MAEL: variants seen among roughly 807,000 people sequenced by gnomAD.
The protein encoded by MAEL is protein maelstrom homolog.
A neutral mutation model predicts 62.0 loss-of-function variants in MAEL; 46 were observed. The ratio of observed to expected loss-of-function variants is 0.74; its 90% CI spans 0.59 to 0.95. The LOEUF is 0.95. Ranked by LOEUF, MAEL falls within the 40% of genes least tolerant of loss-of-function variation. The pLI is 0.00. For synonymous variants in MAEL, 172 were observed against 175.5 expected (o/e 0.98, Z 0.16); for missense variants, 497 against 526.8 (o/e 0.94, Z 0.55).
chr1:167,017,614 A>T (rs188042447), intron 9 of MAEL, among the ~76,000 whole-genome samples: 1 of 152,284 alleles, frequency 6.6e-6, no homozygotes, highest in Non-Finnish European at 1.5e-5. Context: ...CTAAAATTTT[A>T]TCTGGCAATC....
chr1:167,021,825 TG>T lies in MAEL; in HGVS notation c.1277del (p.Gly426AspfsTer18), dbSNP rs1467386651. 6.2e-7 allele frequency: 1 copy of T among 1,610,848 alleles called. No homozygotes were observed. The highest frequency in any genetic ancestry group is 2.2e-5 in the East Asian group (1 of 44,842). On this transcript the variant is annotated frameshift_variant, in exon 12 of 12. Coordinates refer to ENST00000367872, the MANE Select transcript of MAEL (RefSeq NM_032858.3). LOFTEE classifies it high-confidence loss of function. ...SLSPYMSQKD[G>X]YKSFSSLS ...TCTCACCTTACATGTCCCAAAAAGA[TG>T]GATACAAATCTTTCTCTTCCTTATC...
intron 1 of MAEL, among the ~76,000 whole-genome samples, chr1:166,982,928 TG>T (rs1206656558): frequency 8.5e-5 from 13 of 152,224 alleles, no homozygotes; most frequent in Admixed American, 3.3e-4. Context: ...GATATCTTCA[TG>T]GTTTGCTTGC....
intron 8 of MAEL, among the ~76,000 whole-genome samples, chr1:167,011,996 A>G (rs1377165660): frequency 6.6e-6 from 1 of 152,212 alleles, no homozygotes; most frequent in Non-Finnish European, 1.5e-5. Flanking sequence ...ACTCTTACAT[A>G]GTACTGTAGG....
chr1:166,981,093 C>T (rs1181245879), intron 1 of MAEL, among the ~76,000 whole-genome samples: 1 of 152,178 alleles, frequency 6.6e-6, no homozygotes, highest in Non-Finnish European at 1.5e-5. Flanking sequence ...TGAAAAGAAA[C>T]TGCTCAAGCA....
At chr1:167,008,756 T>G (rs944549066) in intron 8 of MAEL, among the ~76,000 whole-genome samples, 1 of 152,106 alleles carries the variant, frequency 6.6e-6, no homozygotes, top group Non-Finnish European at 1.5e-5. Flanking sequence ...CATGCAATAT[T>G]TTCATTGCCA....
upstream of MAEL, among the ~76,000 whole-genome samples, chr1:166,988,665 A>T (rs938580708): frequency 6.6e-6 from 1 of 152,208 alleles, no homozygotes; most frequent in African/African-American, 2.4e-5. Context: ...ATAATTTTTT[A>T]AAAGAAATTT....
chr1:166,994,171 C>A, intron 5 of MAEL, 102 bp downstream of exon 5: 1 of 1,096,840 alleles, frequency 9.1e-7, no homozygotes, highest in Non-Finnish European at 1.3e-6. Context: ...AGGAAAATAA[C>A]TTTAGGTTAT....
chr1:167,014,839 A>G (rs918224907), intron 8 of MAEL, among the ~76,000 whole-genome samples: 1 of 152,168 alleles, frequency 6.6e-6, no homozygotes, highest in Non-Finnish European at 1.5e-5. Context: ...CCTGGATAAC[A>G]TGGTGAAACC....
intron 8 of MAEL, among the ~76,000 whole-genome samples, chr1:167,015,282 T>C (rs1278676210): frequency 6.6e-6 from 1 of 152,230 alleles, no homozygotes; most frequent in Non-Finnish European, 1.5e-5. Context: ...GGCTTCATGT[T>C]ACAGTTTTGT....
chr1:167,002,205 C>T (rs1190370010), intron 5 of MAEL, among the ~76,000 whole-genome samples: 1 of 152,052 alleles, frequency 6.6e-6, no homozygotes, highest in Non-Finnish European at 1.5e-5. Flanking sequence ...AGGACTTTTC[C>T]ATTTATGTTA....
chr1:167,001,034 CTG>C (rs1348803693), intron 5 of MAEL, among the ~76,000 whole-genome samples: 3 of 152,102 alleles, frequency 2.0e-5, no homozygotes, highest in African/African-American at 4.8e-5. Flanking sequence ...AATAAGGAAA[CTG>C]TAGTATATAT....
chr1:167,005,554 T>C (rs1022431214), intron 8 of MAEL, 157 bp downstream of exon 8: 7 of 624,886 alleles, frequency 1.1e-5, no homozygotes, highest in Non-Finnish European at 1.9e-5. Flanking sequence ...TAGTAAGATA[T>C]ATTGTTACTT....
rs565978216 is a variant in MAEL, at chr1:166,991,069, G to C, written c.226-309G>C. Among the ~76,000 whole-genome samples, 12 of 152,310 alleles carry C rather than the reference G, an allele frequency of 7.9e-5. No individual in the cohort carries two copies. In the South Asian group the frequency reaches 2.5e-3, roughly 32 times the overall value. On this transcript the variant is annotated intron_variant, in intron 2 of 11. Coordinates refer to ENST00000367872, the MANE Select transcript of MAEL (RefSeq NM_032858.3). ...AAATTAGAGTACTTTGGGGCATAGT[G>C]TGCTTTTGGCCACTGGCCTGGCATG...
Position 167,006,601 on chromosome 1 carries a change from C to CCATATATATATATATATATATATA in MAEL, c.845+1204_845+1205insCATATATATATATATATATATATA, listed in dbSNP as rs1295162731. On this transcript the variant is annotated intron_variant, in intron 8 of 11. Coordinates refer to ENST00000367872, the MANE Select transcript of MAEL (RefSeq NM_032858.3). ...CTATTGGAAAGTTACTGGTTTTTTACTATATATATATATATATATATATAT... is the reference window on the plus strand; with the variant it reads ...CTATTGGAAAGTTACTGGTTTTTTACCATATATATATATATATATATATATATATATATATATATATATATATAT... Among the ~76,000 whole-genome samples, 4 of 98,084 alleles carry CCATATATATATATATATATATATA rather than the reference C, an allele frequency of 4.1e-5. 1 individual carries two copies. The highest frequency in any genetic ancestry group is 1.4e-4 in the African/African-American group (4 of 28,840). The allele number at this position is 98,084 out of a possible 152,430, so 64.3% of individuals were successfully genotyped here. A position where few individuals can be genotyped will look rare whatever the true frequency, so the allele number is the denominator to read the frequency against.
At chr1:167,016,136 A>G in intron 8 of MAEL, 86 bp from the exon 9 acceptor site, 1 of 1,208,410 alleles carries the variant, frequency 8.3e-7, no homozygotes, top group Non-Finnish European at 1.2e-6. Flanking sequence ...TCATTTTTTA[A>G]AAGATTTCAG....
At chr1:167,017,289 AT>A (rs928508620) in intron 9 of MAEL, among the ~76,000 whole-genome samples, 2 of 152,156 alleles carry the variant, frequency 1.3e-5, no homozygotes, top group Admixed American at 1.3e-4. Context: ...AAAAATAAAA[AT>A]AAAGGTGGTT....
intron 5 of MAEL, among the ~76,000 whole-genome samples, chr1:167,002,399 CT>C (rs1664707116): frequency 6.6e-6 from 1 of 152,158 alleles, no homozygotes; most frequent in African/African-American, 2.4e-5. Flanking sequence ...GGATAATCCT[CT>C]TATCGGGATC....
intron 9 of MAEL, 74 bp from the exon 10 acceptor site, chr1:167,017,753 G>T: frequency 1.4e-6 from 2 of 1,404,952 alleles, no homozygotes; most frequent in Admixed American, 2.1e-5. Context: ...CTTTTTGTTA[G>T]AGATTTTAAA....
At chr1:167,018,790 A>AT (rs928174479) in intron 10 of MAEL, among the ~76,000 whole-genome samples, 2 of 152,110 alleles carry the variant, frequency 1.3e-5, no homozygotes, top group Admixed American at 1.3e-4. Context: ...TTCATATGAC[A>AT]TTTTTTTGAA....
Sources: gnomAD v4.1 joint callset for allele counts (sites outside exome capture counted in the v4.1 genomes callset) on GRCh38, gnomAD v4.1.1 for gene constraint, MANE v1.5 for transcripts, NCBI Gene and HGNC (gene_info 2026-07-23, HGNC 2026-07-21) for gene names.